GALNT16: variants seen among roughly 807,000 people sequenced by gnomAD.
The protein encoded by GALNT16 is polypeptide N-acetylgalactosaminyltransferase 16, also known as UDP-GalNAc:polypeptide N-acetylgalactosaminyltransferase-like protein 1.
GALNT16 carries 40 observed loss-of-function variants against 76.1 expected under a neutral mutation model. The observed-to-expected ratio is 0.53, with a 90% CI of 0.41 to 0.68. The LOEUF is 0.68. GALNT16 is among the 30% of genes least tolerant of loss of function. GALNT16 has a pLI of 0.00. For synonymous variants in GALNT16, 276 were observed against 285.2 expected (o/e 0.97, Z 0.32); for missense variants, 621 against 731.9 (o/e 0.85, Z 1.75).
chr14:69,313,501 A>C (rs2045057004), intron 1 of GALNT16, among the ~76,000 whole-genome samples: 1 of 152,150 alleles, frequency 6.6e-6, no homozygotes, highest in African/African-American at 2.4e-5. Flanking sequence ...TCAGATCCCT[A>C]GGGGAATAAG....
chr14:69,328,505 C>A lies in GALNT16; in HGVS notation c.624C>A (p.Thr208=), dbSNP rs764978774. The A allele has an allele frequency of 8.1e-6, 13 of 1,613,850 alleles. No individual in the cohort carries two copies. Among genetic ancestry groups the A allele is most frequent in the Non-Finnish European group, 1.0e-5 (12 of 1,179,948 alleles). Residue 208 remains threonine, a synonymous_variant, in exon 6 of 15, where the codon ACC becomes ACA. Coordinates refer to ENST00000448469, the MANE Select transcript of GALNT16 (RefSeq NM_001168368.2). The part of the protein sequence containing the change: ...GADVAAATVL[T]FLDSHCEVNT... ...ACGTGGCTGCAGCTACCGTTCTCAC[C>A]TTTCTGGATAGCCACTGCGAAGTGA...
At chr14:69,308,743 C>A (rs1002102574) in intron 1 of GALNT16, among the ~76,000 whole-genome samples, 3 of 152,190 alleles carry the variant, frequency 2.0e-5, no homozygotes, top group Non-Finnish European at 2.9e-5. Context: ...GGAATGTACA[C>A]TGTAATTGTC....
chr14:69,325,519 C>T (rs2045270120), intron 4 of GALNT16, 115 bp downstream of exon 4: 5 of 738,738 alleles, frequency 6.8e-6, no homozygotes, highest in East Asian at 5.0e-5. Context: ...CCTTTCTGCC[C>T]CCAGCAGGGA....
chr14:69,366,200 G>A, the GALNT16 span, among the ~76,000 whole-genome samples: 10 of 152,226 alleles, frequency 6.6e-5, no homozygotes, highest in Non-Finnish European at 1.2e-4. Context: ...TGAATGAGCA[G>A]CATGGGTAGA....
chr14:69,267,965 C>T (rs1473589384), intron 1 of GALNT16, among the ~76,000 whole-genome samples: 1 of 152,138 alleles, frequency 6.6e-6, no homozygotes, highest in African/African-American at 2.4e-5. Context: ...GTGAGGTGTA[C>T]AGAGACCTCG....
chr14:69,336,751 A>G (rs549052594), intron 9 of GALNT16, among the ~76,000 whole-genome samples: 182 of 151,852 alleles, frequency 1.2e-3, no homozygotes, highest in Middle Eastern at 3.4e-3. Flanking sequence ...TTTTAGAGAC[A>G]GAGTCTCCCT....
rs926960728 is a variant in GALNT16, at chr14:69,261,526, G to A, written c.177+1059G>A. Among the ~76,000 whole-genome samples the A allele has an allele frequency of 2.0e-5, 3 of 152,232 alleles. No individual in the cohort carries two copies. In the East Asian group the frequency reaches 5.8e-4, roughly 29 times the overall value. On this transcript the variant is annotated intron_variant, in intron 1 of 14. Coordinates refer to ENST00000448469, the MANE Select transcript of GALNT16 (RefSeq NM_001168368.2). The surrounding 1 kb of genome is among the most constrained non-coding windows in gnomAD (Gnocchi z 6.4). ...ACCAGGAAGAGGAGAGCCGAGTGGG[G>A]CGGGGGTAAAGGAGTGAGGAAGCGT...
rs1452277824 is a variant in GALNT16 at position 69,347,083 on chromosome 14, G to T, written c.1315G>T (p.Val439Leu). 7 of 1,613,692 alleles carry T rather than the reference G, an allele frequency of 4.3e-6. No homozygotes were observed. Among genetic ancestry groups the T allele is most frequent in the Non-Finnish European group, 5.1e-6 (6 of 1,179,632 alleles). Residue 439 changes from valine (V) to leucine (L), a missense_variant, in exon 13 of 15, where the codon GTG becomes TTG. Val to Leu is a conservative substitution (Grantham distance 32, BLOSUM62 1). Coordinates refer to ENST00000448469, the MANE Select transcript of GALNT16 (RefSeq NM_001168368.2). ...EALPGIIKQG[V>L]NCLESQGQNT... ...ACTCCCCGGCATCATTAAGCAGGGG[G>T]TGAACTGCTTAGAATCTCAGGGCCA... is the stretch of plus-strand genomic sequence containing the variant.
intron 1 of GALNT16, among the ~76,000 whole-genome samples, chr14:69,262,271 T>TGGAACCCGGAACC: frequency 6.6e-6 from 1 of 152,308 alleles, no homozygotes; most frequent in South Asian, 2.1e-4. Flanking sequence ...GCCTCTGCTT[T>TGGAACCCGGAACC]GGAACCCGGA....
At position 69,352,192 on chromosome 14, in the gene GALNT16, C is replaced by T. The variant is rs760354514; in HGVS notation, c.*24C>T. 6.3e-7 allele frequency: 1 copy of T among 1,577,724 alleles called. No homozygotes were observed. On this transcript the variant is annotated 3_prime_UTR_variant, in exon 15 of 15. Transcript: ENST00000448469. Reference sequence around the variant, plus strand: ...GACGGTAGCCCTGGGGCCTCCTGTACCTTTTGCATGAGACTTCGGGACCGG... The same window carrying T: ...GACGGTAGCCCTGGGGCCTCCTGTATCTTTTGCATGAGACTTCGGGACCGG...
At chr14:69,276,219 CA>C (rs138472217) in intron 1 of GALNT16, among the ~76,000 whole-genome samples, 2 of 150,280 alleles carry the variant, frequency 1.3e-5, no homozygotes, top group Non-Finnish European at 3.0e-5. Flanking sequence ...CATCTGTTTC[CA>C]AAAAAAGAAA....
chr14:69,333,354 G>A lies in GALNT16; in HGVS notation c.864-143G>A, dbSNP rs1219225555. The A allele has an allele frequency of 3.1e-5, 22 of 708,144 alleles. No individual in the cohort carries two copies. The highest frequency in any genetic ancestry group is 7.9e-5 in the Admixed American group (3 of 37,800). The allele number at this position is 708,144 out of a possible 1,614,324, so 43.9% of individuals were successfully genotyped here. A position where few individuals can be genotyped will look rare whatever the true frequency, so the allele number is the denominator to read the frequency against. On this transcript the variant is annotated intron_variant, in intron 8 of 14. Coordinates refer to ENST00000448469, the MANE Select transcript of GALNT16 (RefSeq NM_001168368.2). The surrounding 1 kb of genome is among the most constrained non-coding windows in gnomAD (Gnocchi z 4.2). ...GAGGCCACGGGAACAGATGTGGGGG[G>A]CCAGGGAGCTGGCCAGACATCCTGC...
intron 1 of GALNT16, among the ~76,000 whole-genome samples, chr14:69,269,958 T>C (rs548569358): frequency 1.2e-4 from 18 of 152,078 alleles, no homozygotes; most frequent in African/African-American, 3.9e-4. Flanking sequence ...GGGAGGACTC[T>C]GTCTGGAGGG....
chr14:69,325,227 A>G (rs76530279), intron 3 of GALNT16, 110 bp from the exon 4 acceptor site: 1 of 759,834 alleles, frequency 1.3e-6, no homozygotes, highest in Non-Finnish European at 2.4e-6. Context: ...AGCGCCCAGC[A>G]TGCTGGCCCT....
intron 1 of GALNT16, among the ~76,000 whole-genome samples, chr14:69,294,153 G>A (rs565353225): frequency 2.6e-5 from 4 of 151,646 alleles, no homozygotes; most frequent in East Asian, 1.9e-4. Flanking sequence ...CTCCCATCTC[G>A]CTCTGTCACC....
chr14:69,308,905 T>G (rs184853620), intron 1 of GALNT16, among the ~76,000 whole-genome samples: 5 of 152,364 alleles, frequency 3.3e-5, no homozygotes, highest in Admixed American at 3.3e-4. Context: ...TTCTTCAAAC[T>G]GTCAAAATAC....
rs75151747 is a variant in GALNT16, at chr14:69,320,088, C to A, written c.178-623C>A. On this transcript the variant is annotated intron_variant, in intron 1 of 14. Transcript: ENST00000448469. ...GGTCTGGTGCACTCCAGGACTCACC[C>A]CCCCAATATCCCGCAAAGAACATTG... 4.7e-5 allele frequency among the ~76,000 whole-genome samples: 7 copies of A among 147,526 alleles called. No individual in the cohort carries two copies. The South Asian group carries it at 1.3e-3, about 28-fold the overall frequency.
At position 69,331,522 on chromosome 14, in the gene GALNT16, A is replaced by G. The variant is rs2045352388; in HGVS notation, c.749A>G (p.Tyr250Cys). 6.2e-7 allele frequency: 1 copy of G among 1,608,700 alleles called. No individual in the cohort carries two copies. The highest frequency in any genetic ancestry group is 1.3e-5 in the African/African-American group (1 of 74,794). Reference sequence around the variant, plus strand: ...GTCATCAGTCTGGATAATTTTGCCTACCTTGCAGCATCTGCTGACCTTCGT... The same window carrying G: ...GTCATCAGTCTGGATAATTTTGCCTGCCTTGCAGCATCTGCTGACCTTCGT... The part of the protein sequence containing the change: ...IDVISLDNFA[Y>C]LAASADLRGG... Residue 250 changes from tyrosine to cysteine, a missense_variant, in exon 7 of 15, where the codon TAC (tyrosine) becomes TGC (cysteine). By Grantham distance (194) the Tyr-to-Cys change is radical (BLOSUM62 -2). Transcript: ENST00000448469.
chr14:69,351,972 T>G, intron 14 of GALNT16, 59 bp from the exon 15 acceptor site: 1 of 1,499,766 alleles, frequency 6.7e-7, no homozygotes, highest in Non-Finnish European at 9.1e-7. Flanking sequence ...AAGTACAACA[T>G]TATTTTTTTA....
Sources: allele counts gnomAD v4.1 joint callset (sites outside exome capture counted in the v4.1 genomes callset), GRCh38; gene constraint gnomAD v4.1.1; non-coding constraint Gnocchi (gnomAD v3.1); transcripts MANE v1.5; gene names NCBI Gene and HGNC (gene_info 2026-07-23, HGNC 2026-07-21).